NDUFA11: variants seen among roughly 807,000 people sequenced by gnomAD.
NDUFA11 encodes the protein NADH:ubiquinone oxidoreductase subunit A11.
NDUFA11 carries 14 observed loss-of-function variants against 11.3 expected under a neutral mutation model. The ratio of observed to expected loss-of-function variants is 1.24; its 90% confidence interval spans 0.82 to 1.94. NDUFA11 has a LOEUF of 1.94. Ranked by LOEUF, NDUFA11 falls within the 30% of genes most tolerant of loss-of-function variation. NDUFA11 has a pLI of 0.00. For missense variants in NDUFA11, 204 were observed against 200.3 expected (o/e 1.02, Z -0.11); for synonymous variants, 87 against 85.6 (o/e 1.02, Z -0.09).
At chr19:5,894,880 G>C (rs2057598133) in intron 3 of NDUFA11, 26 bp from the exon 4 acceptor site, 2 of 1,574,274 alleles carry the variant, frequency 1.3e-6, no homozygotes, top group Middle Eastern at 1.8e-4. Context: ...GGTGATGTCA[G>C]GCCCGGGTGG....
At chr19:5,893,044 C>T (rs764543118), downstream of NDUFA11, 14 of 1,535,830 alleles carry the variant, frequency 9.1e-6, no homozygotes, top group Middle Eastern at 1.7e-4. This position sits in a 1 kb window ranked among gnomAD's most constrained non-coding sequence, Gnocchi z 4.1. Flanking sequence ...GCCCGAGGCC[C>T]GGGCACCCAG....
Position 5,897,164 on chromosome 19 carries a change from T to G in NDUFA11, c.98-167A>C, listed in dbSNP as rs537420953. Among the ~76,000 whole-genome samples the G allele has an allele frequency of 1.4e-4, 21 of 152,266 alleles. No homozygotes were observed. The East Asian group carries it at 3.3e-3, about 24-fold the overall frequency. On this transcript the variant is annotated intron_variant, in intron 1 of 3. Transcript: ENST00000308961. Reference sequence around the variant, plus strand: ...GCAGAGCTGGATTTGAACTCGGGTTTGCTGCTCCAAAACTGGGGGGCCTCT... The same window carrying G: ...GCAGAGCTGGATTTGAACTCGGGTTGGCTGCTCCAAAACTGGGGGGCCTCT...
At chr19:5,901,666 G>GTT (rs71927291) in intron 1 of NDUFA11, among the ~76,000 whole-genome samples, 6 of 146,564 alleles carry the variant, frequency 4.1e-5, no homozygotes, top group Non-Finnish European at 7.5e-5. Flanking sequence ...GTTTCTTTGG[G>GTT]TTTTTTTTTT....
intron 1 of NDUFA11, 33 bp from the exon 2 acceptor site, chr19:5,897,030 C>G (rs2057614704): frequency 2.6e-6 from 4 of 1,567,906 alleles, no homozygotes; most frequent in Non-Finnish European, 3.5e-6. Context: ...TGTTCAGACC[C>G]CACTGCTGCT....
At position 5,894,682 on chromosome 19, in the gene NDUFA11, A is replaced by G; in HGVS notation, c.*60T>C. ...GCCCTCCGGACACTGACACACACAC[A>G]GACACAGAATTTATTTCTGGACGCA... is the stretch of plus-strand genomic sequence containing the variant. On this transcript the variant is annotated 3_prime_UTR_variant, in exon 4 of 4. Transcript: ENST00000308961. 6.3e-7 allele frequency: 1 copy of G among 1,583,524 alleles called. No individual in the cohort carries two copies. Among genetic ancestry groups the G allele is most frequent in the African/African-American group, 1.3e-5 (1 of 74,248 alleles).
rs777904924 is a variant in NDUFA11 at position 5,894,818 on chromosome 19, T to C, written c.350A>G (p.Tyr117Cys). The stretch of plus-strand genomic sequence containing the variant: ...GACCAGGGAGGCCGCTATGCCAAAG[T>C]ACACGCAGGCGGCGGCGCCAATCCC... Reference protein sequence around the residue: ...NYGIGAAACVYFGIAASLVKM... With the variant: ...NYGIGAAACVCFGIAASLVKM... Residue 117 changes from tyrosine to cysteine, a missense_variant, in exon 4 of 4, where the codon TAC becomes TGC. By Grantham distance (194) the Tyr-to-Cys change is radical. Transcript: ENST00000308961. 9.3e-6 allele frequency: 15 copies of C among 1,613,074 alleles called. No individual in the cohort carries two copies. The highest frequency in any genetic ancestry group is 8.5e-7 in the Non-Finnish European group (1 of 1,179,564).
intron 1 of NDUFA11, among the ~76,000 whole-genome samples, chr19:5,899,429 C>T (rs1037368363): frequency 1.4e-5 from 2 of 142,350 alleles, no homozygotes; most frequent in African/African-American, 2.6e-5. Flanking sequence ...AGATTACAGG[C>T]GTGAGCCACC....
At chr19:5,897,813 G>A (rs1248026300) in intron 1 of NDUFA11, among the ~76,000 whole-genome samples, 1 of 152,238 alleles carries the variant, frequency 6.6e-6, no homozygotes, top group Non-Finnish European at 1.5e-5. Flanking sequence ...GTGCCTAGGG[G>A]CGTCCTGAGT....
Position 5,896,579 on chromosome 19 carries a change from C to G in NDUFA11, c.191-4G>C, listed in dbSNP as rs376095426. On this transcript the variant is annotated splice_polypyrimidine_tract_variant and splice_region_variant and intron_variant, in intron 2 of 3. Transcript: ENST00000308961. The surrounding 1 kb of genome is among the most constrained non-coding windows in gnomAD (Gnocchi z 5.8). Reference sequence around the variant, plus strand: ...CCAAACACGGCCCCGACAGCAGCTGCGGGGTAGACGGGAAGAGCAAGGGCC... The same window carrying G: ...CCAAACACGGCCCCGACAGCAGCTGGGGGGTAGACGGGAAGAGCAAGGGCC... The G allele has an allele frequency of 1.1e-5, 17 of 1,562,082 alleles. No homozygotes were observed. The highest frequency in any genetic ancestry group is 1.5e-5 in the Non-Finnish European group (17 of 1,154,086).
At chr19:5,891,735 G>C (rs1678866), downstream of NDUFA11, 94,725 of 152,350 alleles carry the variant, frequency 0.62, 30,359 homozygotes, top group Admixed American at 0.74. Context: ...GCCTGGACCA[G>C]CCTCCCGCTG....
At chr19:5,903,210 T>C (rs2057656743) in intron 1 of NDUFA11, among the ~76,000 whole-genome samples, 1 of 151,660 alleles carries the variant, frequency 6.6e-6, no homozygotes, top group African/African-American at 2.4e-5. Context: ...TTCTCAAACA[T>C]CTGTACCGCC....
chr19:5,894,955 C>G, intron 3 of NDUFA11, 101 bp from the exon 4 acceptor site: 1 of 1,302,004 alleles, frequency 7.7e-7, no homozygotes, highest in Non-Finnish European at 1.1e-6. Flanking sequence ...AGACTGAGAC[C>G]CCTGACAGGA....
At chr19:5,898,049 C>T (rs2057621780) in intron 1 of NDUFA11, among the ~76,000 whole-genome samples, 1 of 152,238 alleles carries the variant, frequency 6.6e-6, no homozygotes, top group East Asian at 1.9e-4. Flanking sequence ...AACAGAACTG[C>T]CAGGGATGGG....
intron 1 of NDUFA11, 32 bp from the exon 2 acceptor site, chr19:5,897,029 C>A: frequency 1.3e-6 from 2 of 1,567,668 alleles, no homozygotes; most frequent in Non-Finnish European, 1.8e-6. Flanking sequence ...CTGTTCAGAC[C>A]CCACTGCTGC....
At chr19:5,901,998 C>T (rs181022910) in intron 1 of NDUFA11, among the ~76,000 whole-genome samples, 1 of 151,138 alleles carries the variant, frequency 6.6e-6, no homozygotes, top group African/African-American at 2.4e-5. Flanking sequence ...TTTTTTGAGA[C>T]AGCGTCTCAC....
chr19:5,895,184 C>T lies in NDUFA11; in HGVS notation c.314-330G>A, dbSNP rs7257835. ...TGGGCACCGGGCCATGGTGACACATCGGTGTGTCTCAGTCTCTCCTTTGCC... is the reference window on the plus strand; with the variant it reads ...TGGGCACCGGGCCATGGTGACACATTGGTGTGTCTCAGTCTCTCCTTTGCC... On this transcript the variant is annotated intron_variant, in intron 3 of 3. Coordinates refer to ENST00000308961, the MANE Select transcript of NDUFA11 (RefSeq NM_175614.5). 0.011 allele frequency: 3,797 copies of T among 361,306 alleles called. 130 individuals are homozygous for T. The highest frequency in any genetic ancestry group is 0.073 in the African/African-American group (3,527 of 48,614). The allele number at this position is 361,306 out of a possible 1,614,324, so 22.4% of individuals were successfully genotyped here.
downstream of NDUFA11, chr19:5,893,022 C>G (rs1229000000): frequency 2.0e-6 from 3 of 1,534,714 alleles, no homozygotes; most frequent in Non-Finnish European, 8.7e-7. This position sits in a 1 kb window ranked among gnomAD's most constrained non-coding sequence, Gnocchi z 4.1. Context: ...TGTGTCCGCC[C>G]TTTCTCAGGG....
chr19:5,898,118 T>C (rs2057622153), intron 1 of NDUFA11, among the ~76,000 whole-genome samples: 1 of 152,116 alleles, frequency 6.6e-6, no homozygotes, highest in South Asian at 2.1e-4. Context: ...ATCCCCTCCT[T>C]CACGGGAGGT....
chr19:5,900,070 G>A (rs2057635407), intron 1 of NDUFA11: 1 of 152,062 alleles, frequency 6.6e-6, no homozygotes, highest in Admixed American at 6.6e-5. Flanking sequence ...TGGACGAGCT[G>A]GGACCCCCTG....
Sources: gnomAD v4.1 joint callset for allele counts (sites outside exome capture counted in the v4.1 genomes callset) on GRCh38, gnomAD v4.1.1 for gene constraint, Gnocchi (gnomAD v3.1) non-coding constraint, MANE v1.5 for transcripts, NCBI Gene and HGNC (gene_info 2026-07-23, HGNC 2026-07-21) for gene names.